The following SPNS3 variants were observed in gnomAD, a reference collection of about 807,000 sequenced individuals.
The protein encoded by SPNS3 is SPNS lysolipid transporter 3, sphingosine-1-phosphate (putative), also known as protein spinster homolog 3.
A neutral mutation model predicts 54.4 loss-of-function variants in SPNS3; 51 were observed. The ratio of observed to expected loss-of-function variants is 0.94; its 90% CI spans 0.75 to 1.18. The LOEUF is 1.18. SPNS3 is among the 50% of genes most tolerant of loss of function. The pLI, the probability that SPNS3 is intolerant of heterozygous loss-of-function variation, is 0.00. For synonymous variants in SPNS3, 309 were observed against 294.7 expected (o/e 1.05, Z -0.50); for missense variants, 669 against 677.4 (o/e 0.99, Z 0.14).
chr17:4,441,800 G>GT (rs200255908), intron 2 of SPNS3, among the ~76,000 whole-genome samples: 6 of 90,612 alleles, frequency 6.6e-5, no homozygotes, highest in South Asian at 3.5e-4. Context: ...GGGGTGTGTT[G>GT]GGGGGGGTCT....
intron 8 of SPNS3, among the ~76,000 whole-genome samples, chr17:4,473,424 G>T (rs1406028134): frequency 6.8e-6 from 1 of 146,768 alleles, no homozygotes; most frequent in Non-Finnish European, 1.5e-5. Context: ...AAGAGAGAGA[G>T]TCTCACTCTT....
intron 9 of SPNS3, among the ~76,000 whole-genome samples, chr17:4,481,529 G>A (rs72821813): frequency 0.011 from 1,704 of 152,276 alleles, 11 homozygotes; most frequent in Non-Finnish European, 0.019. Flanking sequence ...AGAAAGCCAC[G>A]AGGAGCTGAT....
At chr17:4,472,774 C>CATTTTTTTTTTTTTTTTTTT (rs1567572187) in intron 8 of SPNS3, among the ~76,000 whole-genome samples, 3 of 50,942 alleles carry the variant, frequency 5.9e-5, no homozygotes, top group African/African-American at 2.7e-4. Context: ...GCTTGGCAGC[C>CATTTTTTTTTTTTTTTTTTT]TTTTTTTTTT....
chr17:4,448,321 C>A lies in SPNS3; in HGVS notation c.770+18C>A. 4 of 1,522,268 alleles carry A rather than the reference C, an allele frequency of 2.6e-6. No homozygotes were observed. The highest frequency in any genetic ancestry group is 3.5e-6 in the Non-Finnish European group (4 of 1,133,352). The allele number at this position is 1,522,268 out of a possible 1,614,324, so 94.3% of individuals were successfully genotyped here. The stretch of plus-strand genomic sequence containing the variant: ...GGGAAAAAGTGAGTATCCCTGCTAC[C>A]CCCTGCAAGGCACAGAAAAGCCCGT... On this transcript the variant is annotated intron_variant, in intron 6 of 11. Transcript: ENST00000355530.
intron 8 of SPNS3, among the ~76,000 whole-genome samples, chr17:4,468,695 CTT>C (rs2144152857): frequency 6.9e-6 from 1 of 145,314 alleles, no homozygotes; most frequent in African/African-American, 2.5e-5. Flanking sequence ...AACTGGACCT[CTT>C]TTCTTTATTT....
rs1271041841 is a variant in SPNS3 at position 4,487,821 on chromosome 17, A to G, written c.1466A>G (p.Asn489Ser). Residue 489 changes from asparagine to serine, a missense_variant, in exon 12 of 12, where the codon AAT becomes AGT. Coordinates refer to ENST00000355530, the MANE Select transcript of SPNS3 (RefSeq NM_182538.5). ...CCTCCTGCAGGGACCCCAGACAGCAATGATGTGGACAGCAACGACCTGGAG... is the reference window on the plus strand; with the variant it reads ...CCTCCTGCAGGGACCCCAGACAGCAGTGATGTGGACAGCAACGACCTGGAG... Reference protein sequence around the residue: ...WQPVTGTPDSNDVDSNDLERQ... With the variant: ...WQPVTGTPDSSDVDSNDLERQ... 5.0e-6 allele frequency: 8 copies of G among 1,614,000 alleles called. No homozygotes were observed. The East Asian group carries it at 1.8e-4, about 36-fold the overall frequency.
rs369433107 is a variant in SPNS3 at position 4,434,043 on chromosome 17, A to G, written c.76A>G (p.Arg26Gly). The G allele has an allele frequency of 6.2e-7, 1 of 1,608,970 alleles. No individual in the cohort carries two copies. Among genetic ancestry groups the G allele is most frequent in the Non-Finnish European group, 8.5e-7 (1 of 1,177,678 alleles). ...GLQGQSPGPG[R>G]QCPPPITPTS... ...GCAGGGCCAGTCCCCAGGGCCAGGC[A>G]GGCAGTGTCCCCCTCCCATCACGCC... Residue 26 changes from arginine to glycine, a missense_variant, in exon 1 of 12, where the codon AGG becomes GGG. By Grantham distance (125) the Arg-to-Gly change is moderately radical. Transcript: ENST00000355530.
intron 8 of SPNS3, among the ~76,000 whole-genome samples, 192 bp from the exon 9 acceptor site, chr17:4,478,380 G>A (rs370325553): frequency 6.6e-6 from 1 of 152,244 alleles, no homozygotes; most frequent in East Asian, 1.9e-4. Context: ...ATGGGTCCTG[G>A]CTCTGTCTAC....
chr17:4,443,565 T>A (rs1167931341), intron 2 of SPNS3, among the ~76,000 whole-genome samples: 1 of 152,302 alleles, frequency 6.6e-6, no homozygotes, highest in East Asian at 1.9e-4. Flanking sequence ...TGCAGATAAC[T>A]TTTATGTGCT....
Position 4,486,582 on chromosome 17 carries a change from A to G in SPNS3, c.1449A>G (p.Thr483=). 3 of 1,611,118 alleles carry G rather than the reference A, an allele frequency of 1.9e-6. No homozygotes were observed. The highest frequency in any genetic ancestry group is 1.3e-5 in the African/African-American group (1 of 75,014). The part of the protein sequence containing the change: ...RDETRAWQPV[T]GTPDSNDVDS... ...AGACCCGGGCCTGGCAGCCTGTCAC[A>G]GGTACCCTACCCATTGCACCAGGCC... Residue 483 remains threonine (T), a splice_region_variant and synonymous_variant, in exon 11 of 12, where the codon ACA becomes ACG. Transcript: ENST00000355530. This position sits in a 1 kb window ranked among gnomAD's most constrained non-coding sequence, Gnocchi z 5.5.
At chr17:4,467,044 G>A (rs1454189031) in intron 8 of SPNS3, among the ~76,000 whole-genome samples, 4 of 152,004 alleles carry the variant, frequency 2.6e-5, no homozygotes, top group African/African-American at 7.3e-5. Context: ...CAGTCCATGC[G>A]GAGGGCAGCC....
At chr17:4,475,215 C>G (rs1022529954) in intron 8 of SPNS3, among the ~76,000 whole-genome samples, 2 of 152,158 alleles carry the variant, frequency 1.3e-5, no homozygotes, top group African/African-American at 4.8e-5. Context: ...AGGCTCCAGG[C>G]AGTGTTCCCA....
At chr17:4,469,944 T>C (rs897853970) in intron 8 of SPNS3, among the ~76,000 whole-genome samples, 2 of 152,224 alleles carry the variant, frequency 1.3e-5, no homozygotes, top group Non-Finnish European at 2.9e-5. Flanking sequence ...ATTCACGTTT[T>C]CATCTACAAG....
chr17:4,443,145 A>G (rs1970897487), intron 2 of SPNS3, among the ~76,000 whole-genome samples: 2 of 151,922 alleles, frequency 1.3e-5, no homozygotes, highest in South Asian at 4.2e-4. Context: ...ATCTCAGCTC[A>G]CTGCAACCTC....
intron 7 of SPNS3, among the ~76,000 whole-genome samples, chr17:4,450,307 C>CTCTT (rs1194401885): frequency 6.7e-6 from 1 of 148,292 alleles, no homozygotes; most frequent in Non-Finnish European, 1.5e-5. Context: ...CCTTCCTTCT[C>CTCTT]TCTTTCTTTC....
chr17:4,472,366 G>C (rs1041925558), intron 8 of SPNS3, among the ~76,000 whole-genome samples: 1 of 152,144 alleles, frequency 6.6e-6, no homozygotes, highest in African/African-American at 2.4e-5. Flanking sequence ...TTGTCCAAAG[G>C]GGATGCAGTT....
At position 4,454,273 on chromosome 17, in the gene SPNS3, C is replaced by A. The variant is rs1203940299; in HGVS notation, c.1113+1068C>A. On this transcript the variant is annotated intron_variant, in intron 8 of 11. Transcript: ENST00000355530. ...TGTCCCTGGCTCCCCAAAGCCCCAG[C>A]CCTGCCTGTCCCCCAACATGGGAAA... Among the ~76,000 whole-genome samples, 4 of 152,230 alleles carry A rather than the reference C, an allele frequency of 2.6e-5. No individual in the cohort carries two copies. The East Asian group carries it at 7.7e-4, about 29-fold the overall frequency.
At chr17:4,442,358 C>T (rs548831697) in intron 2 of SPNS3, among the ~76,000 whole-genome samples, 7 of 152,082 alleles carry the variant, frequency 4.6e-5, no homozygotes, top group Admixed American at 1.3e-4. Flanking sequence ...CATGGTGAAA[C>T]CTCGTCTCTA....
At position 4,486,458 on chromosome 17, in the gene SPNS3, G is replaced by T; in HGVS notation, c.1325G>T (p.Arg442Leu). ...RARRPDSYLQRFRSLQQSFLC... is the reference protein window; with the variant it reads ...RARRPDSYLQLFRSLQQSFLC... ...AGGCGCCCTGACTCCTATCTGCAGC[G>T]CTTCCGCAGCCTGCAGCAGAGCTTC... The change falls in exon 11 of 12, where the codon CGC (arginine) becomes CTC (leucine). Residue 442 changes from arginine (R) to leucine (L), a missense_variant. Transcript: ENST00000355530. The surrounding 1 kb of genome is among the most constrained non-coding windows in gnomAD (Gnocchi z 5.5). The T allele has an allele frequency of 6.2e-7, 1 of 1,612,820 alleles. No individual in the cohort carries two copies.
Sources: allele counts gnomAD v4.1 joint callset (sites outside exome capture counted in the v4.1 genomes callset), GRCh38; gene constraint gnomAD v4.1.1; non-coding constraint Gnocchi (gnomAD v3.1); transcripts MANE v1.5; gene names NCBI Gene and HGNC (gene_info 2026-07-23, HGNC 2026-07-21).